Variants in CDC14B observed in about 807,000 individuals in gnomAD.
The protein encoded by CDC14B is cell division cycle 14B, also known as dual specificity protein phosphatase CDC14B.
A neutral mutation model predicts 64.2 loss-of-function variants in CDC14B; 22 were observed. The ratio of observed to expected loss-of-function variants is 0.34; its 90% confidence interval spans 0.24 to 0.49. The LOEUF (loss-of-function observed/expected upper bound fraction) is 0.49. Among genes scored for constraint, CDC14B ranks in the 20% least tolerant of loss-of-function variants. The probability of loss-of-function intolerance (pLI) is 0.99; values close to 1 mark genes in which losing one functional copy is unlikely to be tolerated. For missense variants in CDC14B, 498 were observed against 629.9 expected, an observed-to-expected ratio of 0.79 and a Z score of 2.24; for synonymous variants, 191 against 215.8, an observed-to-expected ratio of 0.89 and a Z score of 1.01.
intron 1 of CDC14B, among the ~76,000 whole-genome samples, chr9:96,573,080 G>A (rs2118067301): frequency 6.6e-6 from 1 of 152,184 alleles, no homozygotes; most frequent in South Asian, 2.1e-4. Flanking sequence ...AGGCCGAGGC[G>A]GGTGGATCAC....
At chr9:96,553,516 G>A (rs1287921314) in intron 4 of CDC14B, among the ~76,000 whole-genome samples, 8 of 151,692 alleles carry the variant, frequency 5.3e-5, no homozygotes, top group Admixed American at 1.3e-4. Flanking sequence ...GCACCACCAC[G>A]CCTGGCTAGT....
At chr9:96,544,473 C>A (rs974949817) in intron 5 of CDC14B, among the ~76,000 whole-genome samples, 2 of 152,120 alleles carry the variant, frequency 1.3e-5, no homozygotes, top group African/African-American at 4.8e-5. Flanking sequence ...CTATGCGAAC[C>A]TTCATGAGGA....
downstream of CDC14B, among the ~76,000 whole-genome samples, chr9:96,495,962 CA>C (rs1478431412): frequency 6.6e-6 from 1 of 152,204 alleles, no homozygotes; most frequent in Non-Finnish European, 1.5e-5. Context: ...ATGCAGCCTT[CA>C]AAAATTTGGT....
At chr9:96,571,301 G>A (rs567353291) in intron 1 of CDC14B, among the ~76,000 whole-genome samples, 9 of 151,574 alleles carry the variant, frequency 5.9e-5, no homozygotes, top group South Asian at 2.1e-4. Flanking sequence ...TCAGCCTCCC[G>A]AGTAGCTGGG....
intron 1 of CDC14B, among the ~76,000 whole-genome samples, chr9:96,582,354 T>C (rs1845207501): frequency 6.6e-6 from 1 of 152,244 alleles, no homozygotes; most frequent in South Asian, 2.1e-4. Flanking sequence ...ATGCTTATAC[T>C]GGTCCAAGCA....
At chr9:96,618,369 T>C in intron 1 of CDC14B, 2 of 415,114 alleles carry the variant, frequency 4.8e-6, no homozygotes, top group Non-Finnish European at 9.8e-6. Flanking sequence ...ATCATCACAT[T>C]TAATGCCTTC....
intron 6 of CDC14B, among the ~76,000 whole-genome samples, chr9:96,541,233 G>A (rs767015897): frequency 1.3e-5 from 2 of 152,242 alleles, no homozygotes; most frequent in Non-Finnish European, 2.9e-5. Flanking sequence ...GTGATAGGGA[G>A]GGTGTCCCCT....
chr9:96,551,361 A>G (rs1228986832), intron 5 of CDC14B, among the ~76,000 whole-genome samples: 2 of 151,804 alleles, frequency 1.3e-5, no homozygotes. Flanking sequence ...GGCTCACGCA[A>G]TCATTCCACC....
intron 12 of CDC14B, among the ~76,000 whole-genome samples, chr9:96,512,748 C>A (rs1835086484): frequency 6.6e-6 from 1 of 152,222 alleles, no homozygotes. Context: ...TTCATTGCTA[C>A]TTCTGAAGCC....
chr9:96,525,780 A>G (rs1342353246), intron 9 of CDC14B, among the ~76,000 whole-genome samples: 5 of 152,182 alleles, frequency 3.3e-5, no homozygotes, highest in Non-Finnish European at 7.3e-5. Context: ...AGTCTCCCCT[A>G]TACCTGAGTT....
chr9:96,546,129 C>T (rs867651224), intron 5 of CDC14B, among the ~76,000 whole-genome samples: 16 of 152,120 alleles, frequency 1.1e-4, no homozygotes, highest in Middle Eastern at 3.2e-3. Flanking sequence ...GTATTCACCA[C>T]GGCCAAAAAC....
chr9:96,503,783 GGA>G lies in CDC14B; in HGVS notation c.1465_1466del (p.Ser489HisfsTer5). 6.2e-7 allele frequency: 1 copy of G among 1,613,696 alleles called. No homozygotes were observed. Among genetic ancestry groups the G allele is most frequent in the South Asian group, 1.1e-5 (1 of 91,052 alleles). On this transcript the variant is annotated frameshift_variant, in exon 14 of 14. Transcript: ENST00000375241. LOFTEE classifies it high-confidence loss of function. ...ASRKSSVKSL[S>X]ISRTKTVLR is the part of the protein sequence containing the mutation. The stretch of plus-strand genomic sequence containing the variant: ...GCAAGACTGTTTTAGTCCTTGAAAT[GGA>G]GAGACTACAGGGGGAAAAAAAAGGA...
Position 96,501,502 on chromosome 9 carries a change from A to G in CDC14B, c.*2251T>C. On this transcript the variant is annotated 3_prime_UTR_variant, in exon 14 of 14. Transcript: ENST00000375241. ...TAGCAGGAAGAACTTTCCATCCCTC[A>G]GACCCAGAGACTTCCTGGATGCTAG... is the stretch of plus-strand genomic sequence containing the variant. 1 of 152,444 alleles carries G rather than the reference A, an allele frequency of 6.6e-6. No homozygotes were observed. 9.4% of individuals were successfully genotyped at this position (152,444 alleles called of 1,614,324 possible). A position where few individuals can be genotyped will look rare whatever the true frequency, so the allele number is the denominator to read the frequency against.
chr9:96,535,226 G>A (rs565755012), intron 7 of CDC14B, among the ~76,000 whole-genome samples: 1 of 152,254 alleles, frequency 6.6e-6, no homozygotes, highest in Admixed American at 6.5e-5. Flanking sequence ...AGAATTGCTT[G>A]AACCCAGGAG....
intron 1 of CDC14B, among the ~76,000 whole-genome samples, chr9:96,608,062 C>T (rs1045878189): frequency 3.3e-5 from 5 of 152,322 alleles, no homozygotes; most frequent in Non-Finnish European, 7.3e-5. Context: ...GTCTTCCATG[C>T]AAAACAGCTG....
chr9:96,554,535 T>C (rs1157565320), intron 4 of CDC14B, among the ~76,000 whole-genome samples: 2 of 152,160 alleles, frequency 1.3e-5, no homozygotes, highest in South Asian at 2.1e-4. Flanking sequence ...ACAAGAACAA[T>C]GTAACATTTT....
At chr9:96,608,614 A>G (rs1175670457) in intron 1 of CDC14B, among the ~76,000 whole-genome samples, 1 of 152,158 alleles carries the variant, frequency 6.6e-6, no homozygotes, top group African/African-American at 2.4e-5. Context: ...AGCAATCTTT[A>G]TCTTTAGTGC....
intron 1 of CDC14B, chr9:96,566,977 G>T (rs775268373): frequency 8.7e-5 from 126 of 1,450,662 alleles, no homozygotes; most frequent in Non-Finnish European, 1.1e-4. Flanking sequence ...GGCCTGACAC[G>T]ACAGCGCAAC....
At chr9:96,603,009 T>C (rs1337322852) in intron 1 of CDC14B, among the ~76,000 whole-genome samples, 1 of 152,042 alleles carries the variant, frequency 6.6e-6, no homozygotes, top group Non-Finnish European at 1.5e-5. Context: ...AGCTACTGGA[T>C]GGAAACCAGA....
Sources: gnomAD v4.1 joint callset for allele counts (sites outside exome capture counted in the v4.1 genomes callset) on GRCh38, gnomAD v4.1.1 for gene constraint, MANE v1.5 for transcripts, NCBI Gene and HGNC (gene_info 2026-07-23, HGNC 2026-07-21) for gene names.